Variants in ALPK2 observed in about 807,000 individuals in gnomAD.
The protein encoded by ALPK2 is alpha kinase 2.
Under a neutral mutation model 163.1 loss-of-function variants are expected in ALPK2, and 127 were observed. That is an observed-to-expected ratio of 0.78 (90% confidence interval 0.67 to 0.90). The LOEUF is 0.90. Among genes scored for constraint, ALPK2 ranks in the 40% least tolerant of loss-of-function variants. The pLI is 0.00. For missense variants in ALPK2, 2,360 were observed against 2,589.6 expected, an observed-to-expected ratio of 0.91 and a Z score of 1.92; for synonymous variants, 953 against 959.1, an observed-to-expected ratio of 0.99 and a Z score of 0.12.
chr18:58,501,704 G>A (rs1392165063), intron 11 of ALPK2, among the ~76,000 whole-genome samples: 1 of 152,176 alleles, frequency 6.6e-6, no homozygotes, highest in Non-Finnish European at 1.5e-5. Flanking sequence ...ACAGCAGACA[G>A]AGACAATCAC....
rs879781489 is a variant in ALPK2, at chr18:58,619,737, A to C, written c.-20-7920T>G. Among the ~76,000 whole-genome samples, 4 of 152,238 alleles carry C rather than the reference A, an allele frequency of 2.6e-5. 1 individual carries two copies. Among genetic ancestry groups the C allele is most frequent in the Non-Finnish European group, 5.9e-5 (4 of 68,038 alleles). ...CACTTTTTGTTTTTTTCTAAACGGGAAATGTGTTTCAAAGTTAAACATAAA... is the reference window on the plus strand; with the variant it reads ...CACTTTTTGTTTTTTTCTAAACGGGCAATGTGTTTCAAAGTTAAACATAAA... On this transcript the variant is annotated intron_variant, in intron 1 of 12. Transcript: ENST00000361673.
In ALPK2 at chr18:58,516,758, A is replaced by G. The variant is rs554777324; in HGVS notation, c.5940+150T>C. ...AATTACTCCCGAGAATTGAGAAGTGATCCCCAGCATTGAGATTGAATTGAA... is the reference window on the plus strand; with the variant it reads ...AATTACTCCCGAGAATTGAGAAGTGGTCCCCAGCATTGAGATTGAATTGAA... On this transcript the variant is annotated intron_variant, in intron 9 of 12. Coordinates refer to ENST00000361673, the MANE Select transcript of ALPK2 (RefSeq NM_052947.4). 17 of 973,718 alleles carry G rather than the reference A, an allele frequency of 1.7e-5. No homozygotes were observed. The South Asian group carries it at 2.8e-4, about 16-fold the overall frequency. 60.3% of individuals were successfully genotyped at this position (973,718 alleles called of 1,614,324 possible).
chr18:58,627,047 A>C (rs1438202437), intron 1 of ALPK2, among the ~76,000 whole-genome samples: 1 of 152,194 alleles, frequency 6.6e-6, no homozygotes, highest in Non-Finnish European at 1.5e-5. Context: ...CTGGGGTTCA[A>C]ACAGGTTGAA....
Position 58,542,498 on chromosome 18 carries a change from G to A in ALPK2, c.1963-4274C>T, listed in dbSNP as rs2051694791. Among the ~76,000 whole-genome samples, 3 of 152,224 alleles carry A rather than the reference G, an allele frequency of 2.0e-5. No individual in the cohort carries two copies. The South Asian group carries it at 6.2e-4, about 32-fold the overall frequency. ...CTCTTCTTTACTGATGAGATGAATA[G>A]CCTAGGTCCAATCATAGAAACCACA... On this transcript the variant is annotated intron_variant, in intron 4 of 12. Transcript: ENST00000361673.
chr18:58,589,259 A>G (rs1468713820), intron 3 of ALPK2, among the ~76,000 whole-genome samples: 1 of 152,164 alleles, frequency 6.6e-6, no homozygotes, highest in African/African-American at 2.4e-5. Context: ...AAGAAGACCT[A>G]TGTCTGGGCT....
intron 8 of ALPK2, among the ~76,000 whole-genome samples, chr18:58,517,409 A>C (rs911274987): frequency 6.6e-6 from 1 of 152,194 alleles, no homozygotes; most frequent in African/African-American, 2.4e-5. Flanking sequence ...AACATCAGGG[A>C]TGGGTTGGAG....
Position 58,611,837 on chromosome 18 carries a change from CCGA to C in ALPK2, c.-20-23_-20-21del. On this transcript the variant is annotated intron_variant, in intron 1 of 12. Transcript: ENST00000361673. ...CCAAATCTGAAAAAAAAAAAAATCC[CCGA>C]CATCACCATTTGTTCTGGGATTTCT... The C allele has an allele frequency of 7.7e-7, 1 of 1,302,610 alleles. No homozygotes were observed. Among genetic ancestry groups the C allele is most frequent in the Admixed American group, 2.3e-5 (1 of 44,168 alleles). 80.7% of individuals were successfully genotyped at this position (1,302,610 alleles called of 1,614,324 possible). A position where few individuals can be genotyped will look rare whatever the true frequency, so the allele number is the denominator to read the frequency against.
chr18:58,557,830 C>A (rs984321565), intron 4 of ALPK2, among the ~76,000 whole-genome samples: 1 of 152,046 alleles, frequency 6.6e-6, no homozygotes, highest in African/African-American at 2.4e-5. Flanking sequence ...TACATGCAGT[C>A]CCAGCTACTG....
chr18:58,586,753 TAA>T (rs56281908), intron 3 of ALPK2, among the ~76,000 whole-genome samples: 30 of 143,392 alleles, frequency 2.1e-4, no homozygotes, highest in East Asian at 1.4e-3. Context: ...GGGGCATTTG[TAA>T]AAAAAAAAAA....
chr18:58,624,087 G>T (rs1251129566), intron 1 of ALPK2, among the ~76,000 whole-genome samples: 2 of 152,126 alleles, frequency 1.3e-5, no homozygotes, highest in Admixed American at 1.3e-4. Flanking sequence ...CACCCTTCCT[G>T]CTTTGTTGGC....
intron 4 of ALPK2, among the ~76,000 whole-genome samples, chr18:58,550,516 C>T (rs1308798463): frequency 3.3e-5 from 5 of 152,210 alleles, no homozygotes; most frequent in African/African-American, 1.2e-4. Context: ...ACAACCCCAT[C>T]CCCATCTCCA....
chr18:58,570,923 G>A (rs55646558), intron 4 of ALPK2, among the ~76,000 whole-genome samples: 21,293 of 152,210 alleles, frequency 0.14, 1,558 homozygotes, highest in East Asian at 0.26. Context: ...CCAGCTCGTG[G>A]CTGCAAGGCT....
rs73961633 is a variant in ALPK2, at chr18:58,580,287, G to A, written c.489C>T (p.Ser163=). 1.2e-3 allele frequency: 1,994 copies of A among 1,614,164 alleles called. 19 individuals are homozygous for A. The African/African-American group carries it at 0.024, about 20-fold the overall frequency. ...ISPGTPRSAD[S]SPSKSNHSLS... is the part of the protein sequence containing the mutation. ...GTGAATGGTTGGATTTGGAGGGGGA[G>A]GAGTCAGCTGACCTGGGAGTGCCCG... is the stretch of plus-strand genomic sequence containing the variant. Residue 163 remains serine (S), a synonymous_variant, in exon 4 of 13, where the codon TCC becomes TCT. Coordinates refer to ENST00000361673, the MANE Select transcript of ALPK2 (RefSeq NM_052947.4).
chr18:58,547,729 C>T (rs370993209), intron 4 of ALPK2, among the ~76,000 whole-genome samples: 9 of 152,168 alleles, frequency 5.9e-5, no homozygotes, highest in Non-Finnish European at 8.8e-5. Flanking sequence ...ACATAATTTC[C>T]GGGGGGTTTC....
intron 4 of ALPK2, among the ~76,000 whole-genome samples, chr18:58,576,479 G>A (rs1258136345): frequency 6.6e-6 from 1 of 152,230 alleles, no homozygotes; most frequent in African/African-American, 2.4e-5. Flanking sequence ...AAATGTCTGA[G>A]AATAAATATT....
chr18:58,623,673 C>T (rs187449984), intron 1 of ALPK2, among the ~76,000 whole-genome samples: 237 of 152,296 alleles, frequency 1.6e-3, no homozygotes, highest in Non-Finnish European at 2.9e-3. Context: ...GCCATGTTGG[C>T]CAGGCTGGTC....
chr18:58,528,936 TCC>T, intron 6 of ALPK2, 153 bp downstream of exon 6: 3 of 908,236 alleles, frequency 3.3e-6, no homozygotes, highest in Non-Finnish European at 5.0e-6. Flanking sequence ...ACACTTGTCT[TCC>T]GATATTTAGT....
At chr18:58,528,575 C>G (rs1182320561) in intron 6 of ALPK2, among the ~76,000 whole-genome samples, 3 of 152,134 alleles carry the variant, frequency 2.0e-5, no homozygotes, top group Non-Finnish European at 4.4e-5. Context: ...CAGAAATAAA[C>G]AGGTTTTCCC....
In ALPK2 at chr18:58,535,704, G is replaced by A; in HGVS notation, c.4483C>T (p.Leu1495=). ...EEAKTAIWQV[L]QPSEGGERIP... is the part of the protein sequence containing the mutation. ...CTTTCACCGCCTTCGCTGGGTTGCA[G>A]GACTTGCCAAATGGCAGTTTTTGCC... The change falls in exon 5 of 13, where the codon CTG becomes TTG. Residue 1495 remains leucine (L), a synonymous_variant. Coordinates refer to ENST00000361673, the MANE Select transcript of ALPK2 (RefSeq NM_052947.4). 3.7e-6 allele frequency: 6 copies of A among 1,614,242 alleles called. No individual in the cohort carries two copies. Among genetic ancestry groups the A allele is most frequent in the Non-Finnish European group, 4.2e-6 (5 of 1,180,038 alleles).
Sources: gnomAD v4.1 joint callset for allele counts (sites outside exome capture counted in the v4.1 genomes callset) on GRCh38, gnomAD v4.1.1 for gene constraint, MANE v1.5 for transcripts, NCBI Gene and HGNC (gene_info 2026-07-23, HGNC 2026-07-21) for gene names.